The following ZNF436 variants were observed in gnomAD, a reference collection of about 807,000 sequenced individuals.
The protein encoded by ZNF436 is DNA-binding protein.
In ZNF436, 22 loss-of-function variants were observed where a neutral mutation model predicts 41.9. That is an observed-to-expected ratio of 0.53 (90% CI 0.38 to 0.75). ZNF436 has a LOEUF of 0.75. ZNF436 is among the 30% of genes least tolerant of loss of function. The pLI is 0.00. For synonymous variants in ZNF436, 217 were observed against 197.8 expected, an observed-to-expected ratio of 1.10 and a Z score of -0.82; for missense variants, 506 against 587.3, an observed-to-expected ratio of 0.86 and a Z score of 1.43.
At chr1:23,365,318 C>T (rs1638334306) in intron 3 of ZNF436, among the ~76,000 whole-genome samples, 1 of 151,572 alleles carries the variant, frequency 6.6e-6, no homozygotes. Context: ...ATGGCGTGAA[C>T]CTGGGAGGCA....
chr1:23,369,723 C>G lies in ZNF436; in HGVS notation c.-418G>C. On this transcript the variant is annotated 5_prime_UTR_variant, in exon 1 of 4. Coordinates refer to ENST00000314011, the MANE Select transcript of ZNF436 (RefSeq NM_001077195.2). ...CCTCGGAACGGGAGGACTCGCAGCT[C>G]TCCCTTTCCCCAGCCAGGATGAGGG... 1 of 412,076 alleles carries G rather than the reference C, an allele frequency of 2.4e-6. No homozygotes were observed. Among genetic ancestry groups the G allele is most frequent in the Non-Finnish European group, 5.1e-6 (1 of 197,434 alleles). The allele number at this position is 412,076 out of a possible 1,614,324, so 25.5% of individuals were successfully genotyped here.
chr1:23,360,120 AC>A lies in ZNF436; in HGVS notation c.*1848del, dbSNP rs1462454284. On this transcript the variant is annotated 3_prime_UTR_variant, in exon 4 of 4. Transcript: ENST00000314011. ...GCTAGATTTTGTAAATAACAAAAAA[AC>A]ATGCTCCTTGCCTGAGTTTGTCCTT... 1.3e-5 allele frequency: 2 copies of A among 152,344 alleles called. No homozygotes were observed. The highest frequency in any genetic ancestry group is 4.8e-5 in the African/African-American group (2 of 41,566). 9.4% of individuals were successfully genotyped at this position (152,344 alleles called of 1,614,324 possible). A position where few individuals can be genotyped will look rare whatever the true frequency, so the allele number is the denominator to read the frequency against.
chr1:23,366,928 A>T, intron 3 of ZNF436, 114 bp downstream of exon 3: 1 of 1,233,914 alleles, frequency 8.1e-7, no homozygotes. Context: ...AGTCAAGCCA[A>T]TATCCAATTA....
rs775156156 is a variant in ZNF436, at chr1:23,362,491, A to G, written c.891T>C (p.Tyr297=). The G allele has an allele frequency of 3.7e-6, 6 of 1,612,438 alleles. 1 individual carries two copies. In the South Asian group the frequency reaches 5.5e-5, roughly 15 times the overall value. The change falls in exon 4 of 4, where the codon TAT becomes TAC. Residue 297 remains tyrosine, a synonymous_variant. Coordinates refer to ENST00000314011, the MANE Select transcript of ZNF436 (RefSeq NM_001077195.2). ...FSERSDLIKH[Y]RVHTGERPYK... ...AGGGCCTCTCCCCTGTGTGGACTCGATAGTGTTTGATGAGATCAGATCTCT... is the reference window on the plus strand; with the variant it reads ...AGGGCCTCTCCCCTGTGTGGACTCGGTAGTGTTTGATGAGATCAGATCTCT...
Position 23,362,748 on chromosome 1 carries a change from G to A in ZNF436, c.634C>T (p.His212Tyr). The change falls in exon 4 of 4, where the codon CAT (histidine) becomes TAT (tyrosine). Residue 212 changes from histidine to tyrosine, a missense_variant. Around this residue, in one of 2 missense-constraint regions of ZNF436, gnomAD observed 278 missense variants for 372.1 expected, o/e 0.75. Transcript: ENST00000314011. ...SFGRSSHLIQ[H>Y]QTIHTGEKPH... Reference sequence around the variant, plus strand: ...TTCTCTCCAGTGTGGATTGTCTGATGCTGAATCAGGTGAGAACTTCTTCCA... The same window carrying A: ...TTCTCTCCAGTGTGGATTGTCTGATACTGAATCAGGTGAGAACTTCTTCCA... 6.2e-7 allele frequency: 1 copy of A among 1,614,190 alleles called. No homozygotes were observed. Among genetic ancestry groups the A allele is most frequent in the Non-Finnish European group, 8.5e-7 (1 of 1,180,048 alleles).
chr1:23,368,818 C>T (rs1557999192), intron 1 of ZNF436, among the ~76,000 whole-genome samples: 2 of 152,196 alleles, frequency 1.3e-5, no homozygotes, highest in Non-Finnish European at 2.9e-5. Context: ...GAGAGGGAAG[C>T]GGCAGCCGCC....
chr1:23,369,253 A>G (rs1557999843), intron 1 of ZNF436, 113 bp downstream of exon 1: 1 of 443,654 alleles, frequency 2.3e-6, no homozygotes, highest in Admixed American at 2.5e-5. Context: ...CCCGCACCGA[A>G]GGGACCCTGG....
Position 23,362,339 on chromosome 1 carries a change from T to A in ZNF436, c.1043A>T (p.His348Leu). ...ECGENFSRIS[H>L]LVQHQRTHTG... is the part of the protein sequence containing the mutation. Reference sequence around the variant, plus strand: ...GTGAGTTCTCTGGTGCTGAACCAAGTGTGAGATGCGGCTGAAATTTTCCCC... The same window carrying A: ...GTGAGTTCTCTGGTGCTGAACCAAGAGTGAGATGCGGCTGAAATTTTCCCC... Residue 348 changes from histidine to leucine, a missense_variant, in exon 4 of 4, where the codon CAC becomes CTC. Physicochemically the swap from His to Leu is moderately conservative, Grantham distance 99. Around this residue, in one of 2 missense-constraint regions of ZNF436, gnomAD observed 278 missense variants for 372.1 expected, o/e 0.75. Coordinates refer to ENST00000314011, the MANE Select transcript of ZNF436 (RefSeq NM_001077195.2). 1 of 1,613,786 alleles carries A rather than the reference T, an allele frequency of 6.2e-7. No individual in the cohort carries two copies. The highest frequency in any genetic ancestry group is 1.3e-5 in the African/African-American group (1 of 74,874).
intron 1 of ZNF436, 139 bp from the exon 2 acceptor site, chr1:23,368,204 C>T (rs1166209843): frequency 8.3e-6 from 5 of 600,244 alleles, no homozygotes; most frequent in Non-Finnish European, 1.5e-5. Flanking sequence ...CCCTCGAGCG[C>T]GACCCGCCCT....
In ZNF436 at chr1:23,360,914, G is replaced by A. The variant is rs903609996; in HGVS notation, c.*1055C>T. 1.3e-5 allele frequency: 2 copies of A among 152,752 alleles called. No individual in the cohort carries two copies. The highest frequency in any genetic ancestry group is 3.9e-4 in the East Asian group (2 of 5,188). 9.5% of individuals were successfully genotyped at this position (152,752 alleles called of 1,614,324 possible). ...AACATGCTAAGTCTCTGTAAATTCA[G>A]TTTCTATTAGAAAAACCACAGGAAT... is the stretch of plus-strand genomic sequence containing the variant. On this transcript the variant is annotated 3_prime_UTR_variant, in exon 4 of 4. Transcript: ENST00000314011.
Position 23,361,223 on chromosome 1 carries a change from C to T in ZNF436, c.*746G>A, listed in dbSNP as rs1481952519. On this transcript the variant is annotated 3_prime_UTR_variant, in exon 4 of 4. Transcript: ENST00000314011. ...CCTATAGTGATCCCCAAAGAAAATTCATAAATCTGATTAATGGCAGTAATA... is the reference window on the plus strand; with the variant it reads ...CCTATAGTGATCCCCAAAGAAAATTTATAAATCTGATTAATGGCAGTAATA... 2 of 152,574 alleles carry T rather than the reference C, an allele frequency of 1.3e-5. No homozygotes were observed. Among genetic ancestry groups the T allele is most frequent in the African/African-American group, 4.8e-5 (2 of 41,414 alleles). 9.5% of individuals were successfully genotyped at this position (152,574 alleles called of 1,614,324 possible).
At chr1:23,364,419 A>G (rs1638313621) in intron 3 of ZNF436, among the ~76,000 whole-genome samples, 1 of 152,058 alleles carries the variant, frequency 6.6e-6, no homozygotes, top group African/African-American at 2.4e-5. Flanking sequence ...TTGTATTTTT[A>G]GTAGAGACAG....
intron 3 of ZNF436, among the ~76,000 whole-genome samples, chr1:23,366,066 T>A (rs963984888): frequency 6.6e-6 from 1 of 152,248 alleles, no homozygotes; most frequent in South Asian, 2.1e-4. Flanking sequence ...TCACATTTTT[T>A]AAAGATTGTC....
rs1431191776 is a variant in ZNF436, at chr1:23,368,001, G to A, written c.5C>T (p.Ala2Val). 4 of 1,614,108 alleles carry A rather than the reference G, an allele frequency of 2.5e-6. No individual in the cohort carries two copies. The East Asian group carries it at 8.9e-5, about 36-fold the overall frequency. The change falls in exon 2 of 4, where the codon GCA becomes GTA. Residue 2 changes from alanine (A) to valine (V), a missense_variant. Physicochemically the swap from Ala to Val is moderately conservative, Grantham distance 64. This residue lies in a region of ZNF436 where 228 missense variants were observed against 215.1 expected (regional missense o/e 1.06). Coordinates refer to ENST00000314011, the MANE Select transcript of ZNF436 (RefSeq NM_001077195.2). The stretch of plus-strand genomic sequence containing the variant: ...GGACCCAGCCATGAGCAGGGTGGCT[G>A]CCATCTCGAGCACAAGGGTTCGCCT... M[A>V]ATLLMAGSQA...
chr1:23,364,055 T>A (rs1056682388), intron 3 of ZNF436, among the ~76,000 whole-genome samples: 5 of 150,710 alleles, frequency 3.3e-5, no homozygotes, highest in African/African-American at 1.2e-4. Flanking sequence ...AAAAAAAAAC[T>A]ATATATATTC....
At position 23,362,686 on chromosome 1, in the gene ZNF436, G is replaced by A. The variant is rs1167272175; in HGVS notation, c.696C>T (p.Cys232=). The A allele has an allele frequency of 9.9e-6, 16 of 1,614,006 alleles. No individual in the cohort carries two copies. Among genetic ancestry groups the A allele is most frequent in the Non-Finnish European group, 1.1e-5 (13 of 1,179,990 alleles). ...HKCNECGKSF[C]RLSHLIQHQR... is the part of the protein sequence containing the mutation. ...GGTGTTGGATTAGGTGAGAGAGACG[G>A]CAGAAACTTTTTCCACACTCATTAC... Residue 232 remains cysteine (C), a synonymous_variant, in exon 4 of 4, where the codon TGC becomes TGT. Transcript: ENST00000314011.
At chr1:23,367,901 C>T (rs1638397254) in intron 2 of ZNF436, 72 bp downstream of exon 2, 4 of 1,558,852 alleles carry the variant, frequency 2.6e-6, no homozygotes, top group African/African-American at 1.4e-5. Context: ...CCCACAGGGA[C>T]TTGCAGAGCA....
chr1:23,364,550 G>A (rs1217181370), intron 3 of ZNF436, among the ~76,000 whole-genome samples: 2 of 152,094 alleles, frequency 1.3e-5, no homozygotes, highest in East Asian at 1.9e-4. Context: ...AACCAACTAT[G>A]TTAATATGGA....
Position 23,361,909 on chromosome 1 carries a change from T to C in ZNF436, c.*60A>G, listed in dbSNP as rs941864163. On this transcript the variant is annotated 3_prime_UTR_variant, in exon 4 of 4. Transcript: ENST00000314011. ...AGCAGCTCAGTCTTGAGGGCGTTCATTGATATCAAATAAAATTGTATCTTC... is the reference window on the plus strand; with the variant it reads ...AGCAGCTCAGTCTTGAGGGCGTTCACTGATATCAAATAAAATTGTATCTTC... The C allele has an allele frequency of 6.6e-6, 10 of 1,506,914 alleles. No homozygotes were observed. The highest frequency in any genetic ancestry group is 4.2e-5 in the African/African-American group (3 of 71,736). The allele number at this position is 1,506,914 out of a possible 1,614,324, so 93.3% of individuals were successfully genotyped here.
Sources: allele counts gnomAD v4.1 joint callset (sites outside exome capture counted in the v4.1 genomes callset), GRCh38; gene constraint gnomAD v4.1.1; regional missense constraint gnomAD v4.1.1; transcripts MANE v1.5; gene names NCBI Gene and HGNC (gene_info 2026-07-23, HGNC 2026-07-21).